The following VWA8 variants were observed in gnomAD, a reference collection of about 807,000 sequenced individuals.
VWA8 encodes von Willebrand factor A domain containing 8, also known as von Willebrand factor A domain-containing protein 8.
Under a neutral mutation model 241.5 loss-of-function variants are expected in VWA8, and 221 were observed. That is an observed-to-expected ratio of 0.91 (90% CI 0.82 to 1.02). The LOEUF is 1.02. Among genes scored for constraint, VWA8 ranks in the 50% least tolerant of loss-of-function variants. VWA8 has a pLI of 0.00. For missense variants in VWA8, 2,322 were observed against 2,328.7 expected (o/e 1.00, Z 0.06); for synonymous variants, 852 against 827.1 (o/e 1.03, Z -0.52).
intron 12 of VWA8, among the ~76,000 whole-genome samples, chr13:41,840,029 T>C (rs1384435823): frequency 6.6e-6 from 1 of 152,244 alleles, no homozygotes; most frequent in African/African-American, 2.4e-5. Context: ...CATTTGCTTA[T>C]GTCCTCTCTG....
intron 37 of VWA8, among the ~76,000 whole-genome samples, chr13:41,639,440 C>T (rs12872212): frequency 0.033 from 4,947 of 152,212 alleles, 91 homozygotes; most frequent in South Asian, 0.078. Context: ...CAGAGCTCTC[C>T]GTCCTTTCCA....
chr13:41,708,229 C>T (rs1054043620), intron 26 of VWA8, among the ~76,000 whole-genome samples: 6 of 152,078 alleles, frequency 3.9e-5, no homozygotes, highest in African/African-American at 7.2e-5. Context: ...GGCGTGGTGG[C>T]GCATGCCTGT....
At chr13:41,875,641 T>C (rs1353324324) in intron 9 of VWA8, among the ~76,000 whole-genome samples, 5 of 152,074 alleles carry the variant, frequency 3.3e-5, no homozygotes, top group Admixed American at 2.0e-4. Context: ...AATAAATTAG[T>C]TTTCTTCCTA....
At chr13:41,615,827 C>T (rs1040307119) in intron 37 of VWA8, among the ~76,000 whole-genome samples, 5 of 152,202 alleles carry the variant, frequency 3.3e-5, no homozygotes, top group African/African-American at 1.2e-4. Context: ...GACAACCACA[C>T]AGAAATTTCA....
intron 12 of VWA8, among the ~76,000 whole-genome samples, chr13:41,862,276 C>T (rs1873041085): frequency 1.3e-5 from 2 of 152,194 alleles, no homozygotes; most frequent in African/African-American, 2.4e-5. Context: ...CCAATCCTTT[C>T]ACCATATACA....
intron 36 of VWA8, among the ~76,000 whole-genome samples, chr13:41,673,242 GA>G (rs1201729639): frequency 6.6e-6 from 1 of 152,172 alleles, no homozygotes; most frequent in African/African-American, 2.4e-5. Flanking sequence ...AAAATTATGT[GA>G]GAGCAAAAGT....
intron 37 of VWA8, among the ~76,000 whole-genome samples, chr13:41,663,251 A>G (rs1035472522): frequency 1.3e-5 from 2 of 152,172 alleles, no homozygotes; most frequent in South Asian, 4.1e-4. Flanking sequence ...TTTAAGTTTC[A>G]AGGATCCAAA....
chr13:41,949,974 T>A lies in VWA8; in HGVS notation c.203A>T (p.Lys68Ile), dbSNP rs368541436. The A allele has an allele frequency of 6.3e-6, 10 of 1,596,390 alleles. No individual in the cohort carries two copies. Among genetic ancestry groups the A allele is most frequent in the Admixed American group, 5.1e-5 (3 of 59,270 alleles). The stretch of plus-strand genomic sequence containing the variant: ...CACAAGTTCTGGATTCTTAGGAATT[T>A]TCAACTTGTAGGATACATCTCCAAT... ...VNIGDVSYKLKIPKNPELVPQ... is the reference protein window; with the variant it reads ...VNIGDVSYKLIIPKNPELVPQ... The change falls in exon 2 of 45, where the codon AAA (lysine) becomes ATA (isoleucine). Residue 68 changes from lysine (K) to isoleucine (I), a missense_variant. Transcript: ENST00000379310.
chr13:41,861,179 A>C (rs7995457), intron 12 of VWA8, among the ~76,000 whole-genome samples: 36,560 of 151,872 alleles, frequency 0.24, 4,388 homozygotes, highest in East Asian at 0.32. Context: ...CCACTGCACT[A>C]CAGCCCGGGT....
chr13:41,757,657 A>T (rs2045704057), intron 21 of VWA8, among the ~76,000 whole-genome samples: 1 of 151,598 alleles, frequency 6.6e-6, no homozygotes, highest in Non-Finnish European at 1.5e-5. Flanking sequence ...ATGGATACTC[A>T]ATGTTTAGCT....
intron 16 of VWA8, among the ~76,000 whole-genome samples, chr13:41,816,194 T>C (rs918559488): frequency 6.6e-6 from 1 of 152,222 alleles, no homozygotes; most frequent in Non-Finnish European, 1.5e-5. Flanking sequence ...TGTTTAATCA[T>C]TGAGACCATT....
chr13:41,590,208 C>T (rs1476247983), intron 41 of VWA8, among the ~76,000 whole-genome samples: 1 of 152,124 alleles, frequency 6.6e-6, no homozygotes, highest in Non-Finnish European at 1.5e-5. Context: ...GTTGGCTCCC[C>T]TTCTGCTGAA....
intron 4 of VWA8, among the ~76,000 whole-genome samples, chr13:41,906,856 A>G (rs920977187): frequency 6.6e-6 from 1 of 152,206 alleles, no homozygotes; most frequent in African/African-American, 2.4e-5. Context: ...AATACTGGAC[A>G]TTAGCAAATT....
At chr13:41,594,533 T>C (rs1216330332) in intron 40 of VWA8, among the ~76,000 whole-genome samples, 1 of 152,118 alleles carries the variant, frequency 6.6e-6, no homozygotes, top group East Asian at 1.9e-4. Flanking sequence ...TCTACTGTCC[T>C]CTTTATTTTG....
At chr13:41,668,829 CA>C (rs990262605) in intron 37 of VWA8, among the ~76,000 whole-genome samples, 25 of 152,250 alleles carry the variant, frequency 1.6e-4, no homozygotes, top group African/African-American at 5.3e-4. Flanking sequence ...TAATATCAAC[CA>C]AAATGGATCA....
intron 2 of VWA8, among the ~76,000 whole-genome samples, chr13:41,949,270 A>G (rs1386730526): frequency 1.3e-5 from 2 of 152,186 alleles, no homozygotes; most frequent in African/African-American, 4.8e-5. Context: ...TGTGGCACCT[A>G]TACACCATGG....
Position 41,570,478 on chromosome 13 carries a change from G to A in VWA8, c.5599C>T (p.Gln1867Ter). 5 of 1,613,894 alleles carry A rather than the reference G, an allele frequency of 3.1e-6. No homozygotes were observed. The highest frequency in any genetic ancestry group is 3.4e-6 in the Non-Finnish European group (4 of 1,179,860). Residue 1867 changes from glutamine to a stop codon, truncating the protein, a stop_gained, in exon 44 of 45, where the codon CAA becomes TAA. Transcript: ENST00000379310. LOFTEE classifies it high-confidence loss of function. ...FAIFIGSLGD[Q>*]ATRLQRTLPA... is the part of the protein sequence containing the mutation. Reference sequence around the variant, plus strand: ...TCAGATGACACTTACCTGGTTGCTTGATCACCTAAAGAGCCAATAAAAATG... The same window carrying A: ...TCAGATGACACTTACCTGGTTGCTTAATCACCTAAAGAGCCAATAAAAATG...
rs71096541 is a variant in VWA8 at position 41,770,901 on chromosome 13, CAAAA to C, written c.2349+7080_2349+7083del. On this transcript the variant is annotated intron_variant, in intron 20 of 44. Coordinates refer to ENST00000379310, the MANE Select transcript of VWA8 (RefSeq NM_015058.2). ...GATATAAAAAGCTGGCTTAAAATGA[CAAAA>C]AAAAAAAAAAAAAAAAAGCTGACAA... 5.6e-3 allele frequency among the ~76,000 whole-genome samples: 551 copies of C among 98,366 alleles called. 2 individuals carry two copies. The highest frequency in any genetic ancestry group is 0.017 in the African/African-American group (407 of 24,528). The allele number at this position is 98,366 out of a possible 152,430, so 64.5% of individuals were successfully genotyped here.
At chr13:41,816,503 C>T (rs1274720423) in intron 16 of VWA8, among the ~76,000 whole-genome samples, 195 bp downstream of exon 16, 2 of 151,988 alleles carry the variant, frequency 1.3e-5, no homozygotes, top group African/African-American at 2.4e-5. Context: ...ATAACATCAG[C>T]GAGGAGGAGC....
Sources: allele counts gnomAD v4.1 joint callset (sites outside exome capture counted in the v4.1 genomes callset), GRCh38; gene constraint gnomAD v4.1.1; transcripts MANE v1.5; gene names NCBI Gene and HGNC (gene_info 2026-07-23, HGNC 2026-07-21).